PRH1: variants seen among roughly 807,000 people sequenced by gnomAD.
PRH1 encodes salivary acidic proline-rich phosphoprotein 1/2.
In PRH1, 7 loss-of-function variants were observed where a neutral mutation model predicts 7.9. The observed-to-expected ratio is 0.89, with a 90% CI of 0.50 to 1.67. The LOEUF (loss-of-function observed/expected upper bound fraction) is 1.67. PRH1 is among the 40% of genes most tolerant of loss of function. PRH1 has a pLI of 0.00. For missense variants in PRH1, 109 were observed against 223.6 expected (o/e 0.49, Z 3.27); for synonymous variants, 45 against 80.8 (o/e 0.56, Z 2.38).
At chr12:11,106,512 A>G (rs1482598553) in intron 1 of PRH1, among the ~76,000 whole-genome samples, 1 of 152,180 alleles carries the variant, frequency 6.6e-6, no homozygotes, top group Non-Finnish European at 1.5e-5. Context: ...TTTTTAGTTA[A>G]AATACTCAGC....
At chr12:10,940,573 A>C (rs542185648) in intron 2 of PRH1, among the ~76,000 whole-genome samples, 1 of 152,266 alleles carries the variant, frequency 6.6e-6, no homozygotes, top group East Asian at 1.9e-4. Flanking sequence ...CATCAGCACC[A>C]AATACCTTCA....
At chr12:11,068,520 T>G (rs1426000388) in intron 1 of PRH1, among the ~76,000 whole-genome samples, 1 of 152,194 alleles carries the variant, frequency 6.6e-6, no homozygotes, top group South Asian at 2.1e-4. Context: ...TTTATCCATT[T>G]GGAGGTCTGA....
chr12:11,008,313 T>A (rs1458639759), intron 1 of PRH1, among the ~76,000 whole-genome samples: 1 of 151,996 alleles, frequency 6.6e-6, no homozygotes, highest in Non-Finnish European at 1.5e-5. Context: ...TAATTCAAAA[T>A]TTTTATATTA....
rs1257257761 is a variant in PRH1, at chr12:11,085,651, C to T, written n.124-38463G>A. Reference sequence around the variant, plus strand: ...ACTTAACGGAAAATATGATAATTTCCAAAACAGCTGAAACTGACTCATATT... The same window carrying T: ...ACTTAACGGAAAATATGATAATTTCTAAAACAGCTGAAACTGACTCATATT... On this transcript the variant is annotated intron_variant and non_coding_transcript_variant, in intron 1 of 4. Transcript: ENST00000541977. 1.7e-5 allele frequency among the ~76,000 whole-genome samples: 2 copies of T among 115,720 alleles called. 1 individual carries two copies. Among genetic ancestry groups the T allele is most frequent in the African/African-American group, 5.8e-5 (2 of 34,574 alleles). 75.9% of individuals were successfully genotyped at this position (115,720 alleles called of 152,430 possible).
chr12:11,022,402 C>T lies in PRH1; in HGVS notation c.-126+24618G>A, dbSNP rs192199862. ...AAGGAATAACATGACCCAGAGTAAA[C>T]CAATTCTGGAGACCACCAGAGCAGT... On this transcript the variant is annotated intron_variant, in intron 1 of 3. Coordinates refer to the PRH1 transcript ENST00000539853. 3.5e-4 allele frequency: 558 copies of T among 1,614,082 alleles called. 5 individuals carry two copies. The Admixed American group carries it at 8.7e-3, about 25-fold the overall frequency.
intron 2 of PRH1, chr12:10,965,076 G>C (rs2135939663): frequency 1.7e-6 from 2 of 1,177,426 alleles, no homozygotes; most frequent in South Asian, 2.4e-5. Context: ...ATGCTGAAAT[G>C]GTTGGTTACA....
intron 1 of PRH1, among the ~76,000 whole-genome samples, chr12:11,097,520 C>T (rs796482346): frequency 8.7e-6 from 1 of 114,838 alleles, no homozygotes; most frequent in Non-Finnish European, 2.1e-5. Context: ...GGAGGATTCA[C>T]TGACGGTCAT....
intron 2 of PRH1, among the ~76,000 whole-genome samples, chr12:10,954,646 G>T (rs376635046): frequency 0.02 from 2,994 of 151,996 alleles, 34 homozygotes; most frequent in South Asian, 0.031. Flanking sequence ...TTTTGTATTT[G>T]TTTTTTTCTT....
intron 1 of PRH1, among the ~76,000 whole-genome samples, chr12:11,031,785 C>T (rs996976699): frequency 9.9e-5 from 15 of 152,154 alleles, no homozygotes; most frequent in East Asian, 5.8e-4. Context: ...CTGTTTGGTG[C>T]ATTTTACAAT....
chr12:10,995,530 T>C (rs1406264198), intron 1 of PRH1, among the ~76,000 whole-genome samples: 1 of 152,168 alleles, frequency 6.6e-6, no homozygotes, highest in Non-Finnish European at 1.5e-5. Flanking sequence ...TACACCAAGA[T>C]TATAATAAAA....
chr12:11,144,786 C>T (rs775056480), intron 1 of PRH1, among the ~76,000 whole-genome samples: 5 of 152,210 alleles, frequency 3.3e-5, no homozygotes, highest in Non-Finnish European at 7.3e-5. Context: ...CTTCCTCTAC[C>T]CCTGCATTTC....
chr12:10,955,682 A>C (rs11054083), intron 2 of PRH1, among the ~76,000 whole-genome samples: 6,879 of 152,190 alleles, frequency 0.045, 239 homozygotes, highest in East Asian at 0.13. Context: ...ACCCCTAACC[A>C]GACTAATAAA....
At chr12:11,154,354 A>G (rs765132032) in intron 1 of PRH1, among the ~76,000 whole-genome samples, 14 of 152,240 alleles carry the variant, frequency 9.2e-5, no homozygotes, top group Admixed American at 2.0e-4. Flanking sequence ...AGAAAACACA[A>G]GTTTTTATTA....
intron 1 of PRH1, among the ~76,000 whole-genome samples, chr12:11,075,903 T>TTA (rs377319232): frequency 1.2e-5 from 1 of 82,584 alleles, no homozygotes; most frequent in Non-Finnish European, 2.8e-5. Context: ...TAACGTATCA[T>TTA]TTTTGACCAA....
upstream of PRH1, chr12:11,048,701 T>C (rs773586291): frequency 1.3e-5 from 6 of 453,816 alleles, no homozygotes; most frequent in Non-Finnish European, 8.4e-6. Context: ...GTGCAGGGTG[T>C]GACGTTTGCT....
intron 1 of PRH1, among the ~76,000 whole-genome samples, chr12:11,140,169 A>G (rs888862332): frequency 6.6e-6 from 1 of 151,976 alleles, no homozygotes; most frequent in African/African-American, 2.4e-5. Context: ...TATACTGGAG[A>G]TATTTCCTTT....
intron 2 of PRH1, chr12:10,930,237 A>G (rs1950184110): frequency 6.2e-7 from 1 of 1,609,326 alleles, no homozygotes; most frequent in African/African-American, 1.3e-5. Flanking sequence ...TCATGCAGTA[A>G]CTTTTCCCAT....
chr12:11,017,867 C>T (rs536721027), intron 1 of PRH1, among the ~76,000 whole-genome samples: 90 of 152,172 alleles, frequency 5.9e-4, no homozygotes, highest in African/African-American at 1.8e-3. Context: ...GTTTATTGAG[C>T]CTCTAGGGAT....
chr12:11,019,154 CAG>C (rs1407676471), intron 1 of PRH1, among the ~76,000 whole-genome samples: 2 of 152,286 alleles, frequency 1.3e-5, no homozygotes, highest in East Asian at 3.8e-4. Context: ...AAATAGAAGA[CAG>C]AAGACAGCTA....
Sources: allele counts gnomAD v4.1 joint callset (sites outside exome capture counted in the v4.1 genomes callset), GRCh38; gene constraint gnomAD v4.1.1; transcripts MANE v1.5; gene names NCBI Gene and HGNC (gene_info 2026-07-23, HGNC 2026-07-21).